The following HERC2 variants were observed in gnomAD, a reference collection of about 807,000 sequenced individuals.
HERC2 encodes the protein E3 ubiquitin-protein ligase HERC2.
A neutral mutation model predicts 537.7 loss-of-function variants in HERC2; 102 were observed. The ratio of observed to expected loss-of-function variants is 0.19; its 90% CI spans 0.16 to 0.22. The LOEUF (loss-of-function observed/expected upper bound fraction) is 0.22, where lower values mean the gene tolerates loss of function less well. Among genes scored for constraint, HERC2 ranks in the 10% least tolerant of loss-of-function variants. The pLI, the probability that HERC2 is intolerant of heterozygous loss-of-function variation, is 1.00. For missense variants in HERC2, 4,236 were observed against 6,198.2 expected, an observed-to-expected ratio of 0.68 and a Z score of 10.63; for synonymous variants, 2,224 against 2,466.2, an observed-to-expected ratio of 0.90 and a Z score of 2.91.
chr15:28,256,506 T>G (rs868279379), intron 17 of HERC2, among the ~76,000 whole-genome samples, 189 bp from the exon 18 acceptor site: 1 of 152,186 alleles, frequency 6.6e-6, no homozygotes, highest in African/African-American at 2.4e-5. Context: ...TAGAGGAATC[T>G]TTTTAACCCC....
At chr15:28,196,146 A>G in intron 52 of HERC2, 69 bp downstream of exon 52, 1 of 1,381,506 alleles carries the variant, frequency 7.2e-7, no homozygotes, top group South Asian at 1.3e-5. Context: ...AAATTCCAAT[A>G]CACTGTGGTC....
At chr15:28,261,481 C>T (rs953132187) in intron 15 of HERC2, among the ~76,000 whole-genome samples, 23 of 152,188 alleles carry the variant, frequency 1.5e-4, no homozygotes, top group African/African-American at 4.8e-4. Flanking sequence ...AAGGGTGTTT[C>T]GCAGAAATGT....
intron 69 of HERC2, among the ~76,000 whole-genome samples, chr15:28,161,772 A>T (rs1195084491): frequency 6.6e-6 from 1 of 152,220 alleles, no homozygotes; most frequent in South Asian, 2.1e-4. Context: ...ATATTAAAAG[A>T]CATTTTAAAG....
Position 28,113,748 on chromosome 15 carries a change from T to C in HERC2, c.13914-70A>G, listed in dbSNP as rs767081481. 187 of 1,305,714 alleles carry C rather than the reference T, an allele frequency of 1.4e-4. No individual in the cohort carries two copies. The highest frequency in any genetic ancestry group is 1.3e-4 in the Non-Finnish European group (119 of 912,588). The allele number at this position is 1,305,714 out of a possible 1,614,324, so 80.9% of individuals were successfully genotyped here. On this transcript the variant is annotated intron_variant, in intron 90 of 92. Coordinates refer to ENST00000261609, the MANE Select transcript of HERC2 (RefSeq NM_004667.6). This position sits in a 1 kb window ranked among gnomAD's most constrained non-coding sequence, Gnocchi z 7.0. ...GACTTTATGCTGCTCACACCAAGCC[T>C]TGGCATGCAGCACTGTGGCCGCACA...
rs770040569 is a variant in HERC2, at chr15:28,142,429, C to G, written c.11545-36G>C. 2.6e-5 allele frequency: 41 copies of G among 1,599,310 alleles called. No individual in the cohort carries two copies. The East Asian group carries it at 9.0e-4, about 35-fold the overall frequency. On this transcript the variant is annotated intron_variant, in intron 75 of 92. Transcript: ENST00000261609. The stretch of plus-strand genomic sequence containing the variant: ...CAAAAATGACAAACTCAGGGAAACT[C>G]AGAAATGCAGTGAACAGGCCAAGGT...
intron 44 of HERC2, among the ~76,000 whole-genome samples, chr15:28,206,962 T>G (rs539960594): frequency 2.0e-4 from 30 of 147,522 alleles, no homozygotes; most frequent in African/African-American, 3.0e-4. Flanking sequence ...AGCGAGCCAA[T>G]ATCACACCAC....
At chr15:28,186,410 T>C (rs1319445246) in intron 56 of HERC2, among the ~76,000 whole-genome samples, 167 bp downstream of exon 56, 1 of 152,250 alleles carries the variant, frequency 6.6e-6, no homozygotes, top group East Asian at 1.9e-4. Flanking sequence ...TTAAACACTT[T>C]ATTTTTTAAA....
chr15:28,175,274 G>A (rs1034130923), intron 64 of HERC2, among the ~76,000 whole-genome samples: 12 of 151,880 alleles, frequency 7.9e-5, no homozygotes, highest in Non-Finnish European at 1.6e-4. Flanking sequence ...CACTTTTCAC[G>A]TGGACTTCAG....
chr15:28,189,962 C>T (rs1463569468), intron 55 of HERC2, among the ~76,000 whole-genome samples: 1 of 151,634 alleles, frequency 6.6e-6, no homozygotes, highest in African/African-American at 2.4e-5. Context: ...TTAGTCTACA[C>T]CAGACAACAG....
intron 65 of HERC2, among the ~76,000 whole-genome samples, chr15:28,172,849 G>A (rs1348418778): frequency 2.0e-5 from 3 of 152,168 alleles, no homozygotes; most frequent in East Asian, 3.8e-4. Flanking sequence ...GAAAATACTA[G>A]CAAATTCTAT....
intron 56 of HERC2, among the ~76,000 whole-genome samples, chr15:28,185,987 A>C (rs939782652): frequency 5.3e-5 from 8 of 152,252 alleles, no homozygotes; most frequent in Admixed American, 3.9e-4. Context: ...AGATAAAATA[A>C]GGAATTGAGT....
Position 28,152,756 on chromosome 15 carries a change from G to C in HERC2, c.10821C>G (p.Leu3607=), listed in dbSNP as rs1251248068. ...TCTCCACCACCACAGGCTGAGAAGA[G>C]AGGCGGCCGCTCTGCGAGTCTGTGG... ...DVATDSQSGR[L]SSQPVVVESS... The change falls in exon 70 of 93, where the codon CTC becomes CTG. Residue 3607 remains leucine (L), a synonymous_variant. Coordinates refer to ENST00000261609, the MANE Select transcript of HERC2 (RefSeq NM_004667.6). The C allele has an allele frequency of 6.4e-7, 1 of 1,552,572 alleles. No individual in the cohort carries two copies. The highest frequency in any genetic ancestry group is 2.0e-5 in the Admixed American group (1 of 51,230).
chr15:28,260,727 C>T (rs2075394025), intron 16 of HERC2, 50 bp downstream of exon 16: 5 of 1,551,726 alleles, frequency 3.2e-6, no homozygotes, highest in Admixed American at 1.7e-5. Flanking sequence ...TAATGAACAA[C>T]TGGAAACCAA....
chr15:28,293,638 C>T (rs971418432), intron 3 of HERC2, among the ~76,000 whole-genome samples: 3 of 152,144 alleles, frequency 2.0e-5, no homozygotes, highest in African/African-American at 7.2e-5. Context: ...ACACCAATTG[C>T]TTTTATCCAG....
At chr15:28,280,941 G>C (rs1207305881) in intron 4 of HERC2, among the ~76,000 whole-genome samples, 1 of 151,836 alleles carries the variant, frequency 6.6e-6, no homozygotes, top group Non-Finnish European at 1.5e-5. Context: ...ACAGAACTTT[G>C]AAGTCAATAT....
At chr15:28,172,044 CAGCCTGGCGACAGA>C (rs1396037573) in intron 65 of HERC2, among the ~76,000 whole-genome samples, 1 of 148,486 alleles carries the variant, frequency 6.7e-6, no homozygotes, top group African/African-American at 2.5e-5. Context: ...CACTGCACTC[CAGCCTGGCGACAGA>C]GCGAGACTCC....
intron 2 of HERC2, among the ~76,000 whole-genome samples, chr15:28,305,476 T>C (rs1242744540): frequency 3.2e-5 from 4 of 126,704 alleles, no homozygotes; most frequent in African/African-American, 8.7e-5. Flanking sequence ...GCTAGCCATA[T>C]GTAGAAAGCT....
chr15:28,160,034 G>T (rs894351303), intron 69 of HERC2, among the ~76,000 whole-genome samples: 49 of 152,226 alleles, frequency 3.2e-4, no homozygotes, highest in African/African-American at 1.1e-3. Flanking sequence ...AGCAGCGGAG[G>T]CTGCAGAACA....
chr15:28,199,278 G>C (rs1457098343), intron 48 of HERC2, among the ~76,000 whole-genome samples: 2 of 152,164 alleles, frequency 1.3e-5, no homozygotes, highest in East Asian at 3.8e-4. Context: ...GAAGAGCCTG[G>C]ATCAACTTGT....
Sources: allele counts gnomAD v4.1 joint callset (sites outside exome capture counted in the v4.1 genomes callset), GRCh38; gene constraint gnomAD v4.1.1; non-coding constraint Gnocchi (gnomAD v3.1); transcripts MANE v1.5; gene names NCBI Gene and HGNC (gene_info 2026-07-23, HGNC 2026-07-21).